RBFOX1: variants seen among roughly 807,000 people sequenced by gnomAD.
The protein encoded by RBFOX1 is RNA binding fox-1 homolog 1.
A neutral mutation model predicts 57.7 loss-of-function variants in RBFOX1; 8 were observed. The ratio of observed to expected loss-of-function variants is 0.14; its 90% CI spans 0.08 to 0.25. The LOEUF (loss-of-function observed/expected upper bound fraction) is 0.25. Among genes scored for constraint, RBFOX1 ranks in the 10% least tolerant of loss-of-function variants. The pLI is 1.00. For synonymous variants in RBFOX1, 326 were observed against 222.4 expected (o/e 1.47, Z -4.15); for missense variants, 611 against 548.5 (o/e 1.11, Z -1.14).
chr16:5,999,704 A>C (rs71392453), intron 4 of RBFOX1, among the ~76,000 whole-genome samples: 9,102 of 151,872 alleles, frequency 0.06, 379 homozygotes, highest in Middle Eastern at 0.13. Flanking sequence ...TACTAAAAAT[A>C]CAAAAAATTA....
intron 3 of RBFOX1, among the ~76,000 whole-genome samples, chr16:6,766,000 G>C (rs528227514): frequency 5.9e-5 from 9 of 152,152 alleles, no homozygotes; most frequent in South Asian, 2.1e-4. Context: ...AGGGGGATGA[G>C]GAGCAAAAAA....
intron 3 of RBFOX1, among the ~76,000 whole-genome samples, chr16:6,853,216 G>A (rs903404683): frequency 1.3e-5 from 2 of 152,114 alleles, no homozygotes; most frequent in Non-Finnish European, 2.9e-5. Flanking sequence ...TAGGGCTTTT[G>A]TGAGCATTAA....
chr16:7,171,924 C>T lies in RBFOX1; in HGVS notation c.27+119826C>T, dbSNP rs187253999. On this transcript the variant is annotated intron_variant, in intron 4 of 15. Coordinates refer to ENST00000550418, the MANE Select transcript of RBFOX1 (RefSeq NM_018723.4). ...AGAGAGGATATATCCTCAGGTAGAA[C>T]AATTTCCAGAGAGGAGATGTGGGCA... Among the ~76,000 whole-genome samples, 135 of 152,268 alleles carry T rather than the reference C, an allele frequency of 8.9e-4. 1 individual carries two copies. Among genetic ancestry groups the T allele is most frequent in the Admixed American group, 7.1e-3 (108 of 15,290 alleles).
At chr16:7,648,281 G>A (rs1020349508) in intron 11 of RBFOX1, among the ~76,000 whole-genome samples, 5 of 152,204 alleles carry the variant, frequency 3.3e-5, no homozygotes, top group Admixed American at 1.3e-4. Context: ...GTGCATTGGC[G>A]CGATTTCTGC....
At chr16:7,055,889 C>T (rs551276928) in intron 4 of RBFOX1, among the ~76,000 whole-genome samples, 9 of 152,228 alleles carry the variant, frequency 5.9e-5, no homozygotes, top group African/African-American at 2.2e-4. Context: ...TTTCATCCTA[C>T]ATGTGTGGGC....
At chr16:6,844,474 T>C (rs12934399) in intron 3 of RBFOX1, among the ~76,000 whole-genome samples, 60,329 of 152,002 alleles carry the variant, frequency 0.4, 12,468 homozygotes, top group African/African-American at 0.49. Flanking sequence ...GCGTTAGTTA[T>C]CTTCCAACTC....
At chr16:6,874,975 C>G (rs929131227) in intron 3 of RBFOX1, among the ~76,000 whole-genome samples, 1 of 152,094 alleles carries the variant, frequency 6.6e-6, no homozygotes, top group Non-Finnish European at 1.5e-5. Flanking sequence ...GCTTCATAAC[C>G]CATGTTACTA....
chr16:7,295,080 A>G (rs916843503), intron 4 of RBFOX1, among the ~76,000 whole-genome samples: 14 of 152,200 alleles, frequency 9.2e-5, no homozygotes, highest in Admixed American at 8.5e-4. Flanking sequence ...GTCTTCACAA[A>G]ATAGTGAAGG....
At chr16:7,451,184 G>A (rs562211860) in intron 4 of RBFOX1, among the ~76,000 whole-genome samples, 1 of 152,162 alleles carries the variant, frequency 6.6e-6, no homozygotes, top group Non-Finnish European at 1.5e-5. Flanking sequence ...CTGGGTGAGG[G>A]ACATCGGATT....
In RBFOX1 at chr16:7,548,544, C is replaced by G. The variant is rs1353311764; in HGVS notation, c.270+30155C>G. ...GGCACCTACTCCATCCCTCAAGGAA[C>G]TCATCCTAGTCTAGAGCTGTGAACC... On this transcript the variant is annotated intron_variant, in intron 5 of 15. Coordinates refer to ENST00000550418, the MANE Select transcript of RBFOX1 (RefSeq NM_018723.4). Among the ~76,000 whole-genome samples, 3 of 152,256 alleles carry G rather than the reference C, an allele frequency of 2.0e-5. No homozygotes were observed. In the East Asian group the frequency reaches 5.8e-4, roughly 29 times the overall value.
At chr16:6,029,389 C>A (rs901813723) in intron 1 of RBFOX1, among the ~76,000 whole-genome samples, 1 of 152,210 alleles carries the variant, frequency 6.6e-6, no homozygotes, top group Admixed American at 6.5e-5. Flanking sequence ...CGATTAGCCA[C>A]AAATTTTAAA....
intron 4 of RBFOX1, among the ~76,000 whole-genome samples, chr16:7,372,109 A>G (rs558057843): frequency 1.3e-5 from 2 of 152,286 alleles, no homozygotes; most frequent in South Asian, 4.1e-4. Context: ...GTTGGGTCCA[A>G]AAGTTGGTGT....
chr16:5,997,621 G>T (rs534824313), intron 4 of RBFOX1, among the ~76,000 whole-genome samples: 1 of 152,280 alleles, frequency 6.6e-6, no homozygotes. Flanking sequence ...TGGGTTGCAG[G>T]TGATAAATGA....
At chr16:5,567,446 T>A (rs75849590) in intron 2 of RBFOX1, among the ~76,000 whole-genome samples, 3,459 of 152,146 alleles carry the variant, frequency 0.023, 60 homozygotes, top group Non-Finnish European at 0.034. Context: ...AGCCGTATAA[T>A]CTCCACTTTA....
intron 3 of RBFOX1, among the ~76,000 whole-genome samples, chr16:6,994,945 T>TTG (rs145095044): frequency 0.24 from 36,108 of 147,958 alleles, 4,547 homozygotes; most frequent in East Asian, 0.32. Context: ...TTGCATTATT[T>TTG]TGTGTGTGTG....
chr16:7,221,087 G>A (rs1301148857), intron 4 of RBFOX1, among the ~76,000 whole-genome samples: 1 of 152,110 alleles, frequency 6.6e-6, no homozygotes, highest in Non-Finnish European at 1.5e-5. Flanking sequence ...AAGCCAGGTT[G>A]ATGTGACTAA....
chr16:6,942,707 C>G (rs1402948843), intron 3 of RBFOX1, among the ~76,000 whole-genome samples: 4 of 152,140 alleles, frequency 2.6e-5, no homozygotes, highest in Non-Finnish European at 5.9e-5. Flanking sequence ...TGGGGCATCT[C>G]TTTGGACAAG....
chr16:7,213,370 C>G (rs2091493495), intron 4 of RBFOX1, among the ~76,000 whole-genome samples: 1 of 152,122 alleles, frequency 6.6e-6, no homozygotes, highest in African/African-American at 2.4e-5. Flanking sequence ...ACTCAGTGAT[C>G]AGTATTTCTT....
intron 2 of RBFOX1, among the ~76,000 whole-genome samples, chr16:6,650,424 A>AG (rs1033767623): frequency 3.3e-5 from 5 of 152,178 alleles, no homozygotes; most frequent in African/African-American, 1.2e-4. Flanking sequence ...GCACCTGATG[A>AG]GGGATCACTT....
Sources: allele counts gnomAD v4.1 joint callset (sites outside exome capture counted in the v4.1 genomes callset), GRCh38; gene constraint gnomAD v4.1.1; transcripts MANE v1.5; gene names NCBI Gene and HGNC (gene_info 2026-07-23, HGNC 2026-07-21).